Variants in CCDC32 observed in about 807,000 individuals in gnomAD.
The protein encoded by CCDC32 is coiled-coil domain containing 32.
A neutral mutation model predicts 20.1 loss-of-function variants in CCDC32; 9 were observed. The observed-to-expected ratio is 0.45, with a 90% CI of 0.27 to 0.78. The LOEUF (loss-of-function observed/expected upper bound fraction) is 0.78, where lower values mean the gene tolerates loss of function less well. Ranked by LOEUF, CCDC32 falls within the 30% of genes least tolerant of loss-of-function variation. The pLI is 0.16. For synonymous variants in CCDC32, 63 were observed against 79.0 expected, an observed-to-expected ratio of 0.80 and a Z score of 1.07; for missense variants, 204 against 215.5, an observed-to-expected ratio of 0.95 and a Z score of 0.33.
chr15:40,540,845 G>A lies in CCDC32; in HGVS notation c.402-1490C>T, dbSNP rs562256799. Among the ~76,000 whole-genome samples, 691 of 152,248 alleles carry A rather than the reference G, an allele frequency of 4.5e-3. 14 individuals carry two copies. Among genetic ancestry groups the A allele is most frequent in the African/African-American group, 0.016 (652 of 41,540 alleles). ...TGTTGAACAGGTGCCAGCCTGGAGC[G>A]TCCATTGCCCTGGTGCCCTCAGTCC... On this transcript the variant is annotated intron_variant, in intron 3 of 3. Transcript: ENST00000558113.
downstream of CCDC32, among the ~76,000 whole-genome samples, chr15:40,525,796 T>C (rs1047163262): frequency 6.6e-6 from 1 of 152,232 alleles, no homozygotes; most frequent in African/African-American, 2.4e-5. Context: ...CTGGGTGGCC[T>C]CTGGCCTGGG....
At chr15:40,527,217 C>T (rs1171704906), downstream of CCDC32, among the ~76,000 whole-genome samples, 1 of 152,040 alleles carries the variant, frequency 6.6e-6, no homozygotes, top group Non-Finnish European at 1.5e-5. Flanking sequence ...GTCACCTAGG[C>T]TAGAGTGCAG....
chr15:40,521,154 A>C, the CCDC32 span, among the ~76,000 whole-genome samples: 1 of 152,176 alleles, frequency 6.6e-6, no homozygotes, highest in African/African-American at 2.4e-5. Flanking sequence ...TTTGTCTATC[A>C]GTGGACCAGT....
chr15:40,522,020 G>A, the CCDC32 span, among the ~76,000 whole-genome samples: 1 of 151,844 alleles, frequency 6.6e-6, no homozygotes, highest in African/African-American at 2.4e-5. Context: ...CCCATACCAA[G>A]GTCACAAATA....
chr15:40,522,598 G>A, the CCDC32 span, among the ~76,000 whole-genome samples: 4 of 152,298 alleles, frequency 2.6e-5, no homozygotes, highest in South Asian at 2.1e-4. Context: ...AACATAGAAC[G>A]TCTTTCCTTT....
At chr15:40,534,639 T>C (rs943890357), downstream of CCDC32, 1 of 396,858 alleles carries the variant, frequency 2.5e-6, no homozygotes, top group Non-Finnish European at 4.6e-6. Flanking sequence ...GAGACTTGGA[T>C]TGGGACACAG....
At chr15:40,551,809 C>CA (rs59499493), downstream of CCDC32, among the ~76,000 whole-genome samples, 655 of 96,294 alleles carry the variant, frequency 6.8e-3, 31 homozygotes, top group Non-Finnish European at 9.1e-3. Context: ...GACCCTGTCT[C>CA]AAAAAAAAAA....
intron 3 of CCDC32, among the ~76,000 whole-genome samples, chr15:40,539,953 G>T (rs1395740724): frequency 2.0e-5 from 3 of 151,746 alleles, no homozygotes; most frequent in Non-Finnish European, 1.5e-5. Context: ...ACTTCGCCCA[G>T]GTGGTGAAAT....
At chr15:40,530,257 C>T (rs1888832551), downstream of CCDC32, among the ~76,000 whole-genome samples, 1 of 147,080 alleles carries the variant, frequency 6.8e-6, no homozygotes, top group South Asian at 2.2e-4. Flanking sequence ...TGTGCCATTG[C>T]ACTCCAGCCT....
chr15:40,552,391 G>A (rs916443817), downstream of CCDC32, among the ~76,000 whole-genome samples: 1 of 145,778 alleles, frequency 6.9e-6, no homozygotes, highest in Non-Finnish European at 1.5e-5. Context: ...TGAAGCAGGA[G>A]AATTGCTTGA....
downstream of CCDC32, chr15:40,535,565 G>A (rs117887366): frequency 2.1e-3 from 2,021 of 983,582 alleles, 7 homozygotes; most frequent in East Asian, 0.027. Context: ...GCTTCCTTTC[G>A]TTCAGTCTTC....
chr15:40,524,735 C>CT (rs1894877723), downstream of CCDC32, among the ~76,000 whole-genome samples: 2 of 79,884 alleles, frequency 2.5e-5, no homozygotes, highest in African/African-American at 1.3e-4. Context: ...TGTTCTTTTT[C>CT]TTTCTTTTTT....
At chr15:40,561,215 C>A (rs1890601879) in intron 2 of CCDC32, among the ~76,000 whole-genome samples, 1 of 152,126 alleles carries the variant, frequency 6.6e-6, no homozygotes, top group African/African-American at 2.4e-5. Flanking sequence ...TGGCTCACAC[C>A]TGTAATCCCA....
chr15:40,562,943 A>G lies in CCDC32; in HGVS notation c.73T>C (p.Cys25Arg). 6.2e-7 allele frequency: 1 copy of G among 1,614,236 alleles called. No homozygotes were observed. The highest frequency in any genetic ancestry group is 8.5e-7 in the Non-Finnish European group (1 of 1,180,034). Residue 25 changes from cysteine (C) to arginine (R), a missense_variant, in exon 2 of 4, where the codon TGT becomes CGT. Cys to Arg is a radical substitution (Grantham distance 180). Coordinates refer to ENST00000416810, the MANE Select transcript of CCDC32 (RefSeq NM_001080792.4). The part of the protein sequence containing the change: ...GQDLWAEICS[C>R]LPNPEQEDGA... Reference sequence around the variant, plus strand: ...TCTTCTTGTTCAGGATTTGGCAGACAGGAACAAATTTCAGCCCAGAGATCC... The same window carrying G: ...TCTTCTTGTTCAGGATTTGGCAGACGGGAACAAATTTCAGCCCAGAGATCC...
chr15:40,551,809 CAAAAAAAAA>C (rs59499493), downstream of CCDC32, among the ~76,000 whole-genome samples: 4 of 96,354 alleles, frequency 4.2e-5, no homozygotes, highest in South Asian at 3.7e-4. Flanking sequence ...GACCCTGTCT[CAAAAAAAAA>C]AAAAAAAAAA....
chr15:40,537,071 G>A (rs929173286), downstream of CCDC32: 1 of 152,324 alleles, frequency 6.6e-6, no homozygotes, highest in Non-Finnish European at 1.5e-5. Flanking sequence ...AGTGGAGCGA[G>A]AAGGGAAGGA....
At chr15:40,556,114 C>T (rs981325432) in intron 3 of CCDC32, among the ~76,000 whole-genome samples, 1 of 152,238 alleles carries the variant, frequency 6.6e-6, no homozygotes, top group Non-Finnish European at 1.5e-5. Context: ...CAAGAACATA[C>T]AACCAGTAAG....
downstream of CCDC32, among the ~76,000 whole-genome samples, chr15:40,524,364 G>T (rs1566976828): frequency 6.6e-6 from 1 of 151,834 alleles, no homozygotes; most frequent in East Asian, 1.9e-4. Flanking sequence ...CACCGTGTTA[G>T]CCAGGATGAT....
At chr15:40,562,503 C>T (rs997836627) in intron 2 of CCDC32, among the ~76,000 whole-genome samples, 20 of 152,136 alleles carry the variant, frequency 1.3e-4, no homozygotes, top group Admixed American at 8.5e-4. Context: ...TCGCTTGAAC[C>T]CGGGAGGTGG....
Sources: gnomAD v4.1 joint callset for allele counts (sites outside exome capture counted in the v4.1 genomes callset) on GRCh38, gnomAD v4.1.1 for gene constraint, MANE v1.5 for transcripts, NCBI Gene and HGNC (gene_info 2026-07-23, HGNC 2026-07-21) for gene names.